The following KCNIP4 variants were observed in gnomAD, a reference collection of about 807,000 sequenced individuals.
KCNIP4 encodes potassium voltage-gated channel interacting protein 4.
KCNIP4 carries 12 observed loss-of-function variants against 34.0 expected under a neutral mutation model. That is an observed-to-expected ratio of 0.35 (90% CI 0.23 to 0.57). The LOEUF (loss-of-function observed/expected upper bound fraction) is 0.57, where lower values mean the gene tolerates loss of function less well. Among genes scored for constraint, KCNIP4 ranks in the 20% least tolerant of loss-of-function variants. The probability of loss-of-function intolerance (pLI) is 0.83; values close to 1 mark genes in which losing one functional copy is unlikely to be tolerated. For missense variants in KCNIP4, 238 were observed against 311.7 expected (o/e 0.76, Z 1.78); for synonymous variants, 124 against 102.2 (o/e 1.21, Z -1.29).
intron 3 of KCNIP4, among the ~76,000 whole-genome samples, chr4:20,820,207 A>C (rs1716929806): frequency 6.6e-6 from 1 of 152,198 alleles, no homozygotes; most frequent in Non-Finnish European, 1.5e-5. Context: ...GCTGATACAA[A>C]TATGGATGGT....
intron 1 of KCNIP4, among the ~76,000 whole-genome samples, chr4:21,435,918 G>A (rs1726906157): frequency 1.3e-5 from 2 of 152,086 alleles, no homozygotes; most frequent in South Asian, 2.1e-4. Flanking sequence ...TTCTGCAAAT[G>A]AGCGTTGGAT....
At chr4:21,629,780 G>T (rs1315713674) in intron 1 of KCNIP4, among the ~76,000 whole-genome samples, 1 of 151,412 alleles carries the variant, frequency 6.6e-6, no homozygotes, top group East Asian at 1.9e-4. Flanking sequence ...CTCTATTCTT[G>T]GGCGATTTCT....
At chr4:21,090,174 C>G (rs776383550) in intron 1 of KCNIP4, among the ~76,000 whole-genome samples, 3 of 152,156 alleles carry the variant, frequency 2.0e-5, no homozygotes, top group Non-Finnish European at 4.4e-5. Context: ...CCGAGCTCAT[C>G]TCAAGTTCTC....
chr4:21,364,893 G>T (rs1204903870), intron 1 of KCNIP4, among the ~76,000 whole-genome samples: 1 of 152,158 alleles, frequency 6.6e-6, no homozygotes, highest in Non-Finnish European at 1.5e-5. Context: ...GATGGTTGGG[G>T]TCCTTTGCAT....
chr4:21,433,453 A>G (rs1214750448), intron 1 of KCNIP4, among the ~76,000 whole-genome samples: 1 of 152,142 alleles, frequency 6.6e-6, no homozygotes, highest in East Asian at 1.9e-4. Context: ...AAAACAAACA[A>G]AGAAACAAAC....
At chr4:21,773,752 T>TGTTG (rs373135486) in intron 1 of KCNIP4, among the ~76,000 whole-genome samples, 1 of 137,770 alleles carries the variant, frequency 7.3e-6, no homozygotes, top group Non-Finnish European at 1.5e-5. Flanking sequence ...GTTGTTTTTT[T>TGTTG]TTTTTTGTTT....
intron 1 of KCNIP4, among the ~76,000 whole-genome samples, chr4:21,478,079 C>T (rs1731136936): frequency 6.6e-6 from 1 of 152,046 alleles, no homozygotes; most frequent in Admixed American, 6.6e-5. Flanking sequence ...AACCTTTGTT[C>T]TTCTTTTTGT....
intron 1 of KCNIP4, among the ~76,000 whole-genome samples, chr4:21,554,450 G>A (rs569599356): frequency 6.6e-6 from 1 of 152,232 alleles, no homozygotes; most frequent in Admixed American, 6.5e-5. Flanking sequence ...CCAAACTCCA[G>A]ACGTGGAGCT....
chr4:21,791,993 T>A (rs1720313414), intron 1 of KCNIP4, among the ~76,000 whole-genome samples: 2 of 69,566 alleles, frequency 2.9e-5, no homozygotes. Flanking sequence ...AGAATGAGAC[T>A]CCGTCTCAAA....
At chr4:21,391,532 G>A (rs1172313305) in intron 1 of KCNIP4, among the ~76,000 whole-genome samples, 1 of 152,080 alleles carries the variant, frequency 6.6e-6, no homozygotes, top group Non-Finnish European at 1.5e-5. Context: ...CATCTTTGAT[G>A]CTCCCCTAAC....
chr4:21,005,027 G>T (rs1738438438), intron 1 of KCNIP4, among the ~76,000 whole-genome samples: 1 of 152,088 alleles, frequency 6.6e-6, no homozygotes, highest in Non-Finnish European at 1.5e-5. Flanking sequence ...ATTTGGCTTT[G>T]GCTTAGAAAA....
chr4:21,718,553 C>T (rs1013868825), intron 1 of KCNIP4: 1 of 151,984 alleles, frequency 6.6e-6, no homozygotes, highest in African/African-American at 2.4e-5. Flanking sequence ...CCACCCTGAA[C>T]ATGCCGGATC....
chr4:20,969,814 A>G (rs1409784601), intron 1 of KCNIP4, among the ~76,000 whole-genome samples: 1 of 152,126 alleles, frequency 6.6e-6, no homozygotes, highest in Non-Finnish European at 1.5e-5. Flanking sequence ...ATCTAATGTA[A>G]AAATACTTGT....
At chr4:21,259,885 C>CTCTGTGTGTG (rs3221673) in intron 1 of KCNIP4, among the ~76,000 whole-genome samples, 3 of 145,906 alleles carry the variant, frequency 2.1e-5, no homozygotes, top group Non-Finnish European at 4.5e-5. Flanking sequence ...GCGCCCAAGA[C>CTCTGTGTGTG]TGTGTGTGTG....
At chr4:21,733,137 G>A (rs1577916322) in intron 1 of KCNIP4, among the ~76,000 whole-genome samples, 3 of 152,224 alleles carry the variant, frequency 2.0e-5, no homozygotes, top group Admixed American at 2.0e-4. Context: ...CTACGTCTTT[G>A]TGTTTTATAC....
At chr4:21,261,150 T>G (rs746734451) in intron 1 of KCNIP4, among the ~76,000 whole-genome samples, 1 of 152,226 alleles carries the variant, frequency 6.6e-6, no homozygotes, top group Non-Finnish European at 1.5e-5. Context: ...ATAGAAGGCT[T>G]GATTATAAAA....
At chr4:21,822,065 A>G (rs1450772066) in intron 1 of KCNIP4, among the ~76,000 whole-genome samples, 1 of 152,150 alleles carries the variant, frequency 6.6e-6, no homozygotes, top group African/African-American at 2.4e-5. Flanking sequence ...ACAATCCACA[A>G]AATAAAGTAA....
At chr4:21,861,655 T>TAAAAAA (rs1725082533) in intron 1 of KCNIP4, among the ~76,000 whole-genome samples, 1 of 9,142 alleles carries the variant, frequency 1.1e-4, no homozygotes, top group African/African-American at 2.9e-4. Flanking sequence ...AGACTCCGTC[T>TAAAAAA]CAAAAAAAAA....
chr4:21,012,828 T>C (rs781201873), intron 1 of KCNIP4, among the ~76,000 whole-genome samples: 7 of 152,224 alleles, frequency 4.6e-5, no homozygotes, highest in Admixed American at 2.0e-4. Context: ...CACAGTCTTA[T>C]TGGTGATGGG....
Sources: gnomAD v4.1 joint callset for allele counts (sites outside exome capture counted in the v4.1 genomes callset) on GRCh38, gnomAD v4.1.1 for gene constraint, MANE v1.5 for transcripts, NCBI Gene and HGNC (gene_info 2026-07-23, HGNC 2026-07-21) for gene names.